Variants in TAB2 observed in about 807,000 individuals in gnomAD.
TAB2 encodes TGF-beta activated kinase 1 (MAP3K7) binding protein 2.
A neutral mutation model predicts 65.0 loss-of-function variants in TAB2; 3 were observed. The ratio of observed to expected loss-of-function variants is 0.05; its 90% CI spans 0.02 to 0.12. The LOEUF is 0.12. Among genes scored for constraint, TAB2 ranks in the 10% least tolerant of loss-of-function variants. The pLI is 1.00. For synonymous variants in TAB2, 298 were observed against 285.1 expected, an observed-to-expected ratio of 1.05 and a Z score of -0.46; for missense variants, 623 against 840.3, an observed-to-expected ratio of 0.74 and a Z score of 3.20.
intron 1 of TAB2, among the ~76,000 whole-genome samples, chr6:149,368,178 A>G (rs1482623009): frequency 6.6e-6 from 1 of 152,150 alleles, no homozygotes; most frequent in Non-Finnish European, 1.5e-5. Context: ...AGTAAGTAGA[A>G]GGAAAGCCAG....
At chr6:149,279,245 TC>T (rs1375880806) in intron 1 of TAB2, among the ~76,000 whole-genome samples, 2 of 152,188 alleles carry the variant, frequency 1.3e-5, no homozygotes, top group Non-Finnish European at 1.5e-5. Flanking sequence ...ACATCCTCCT[TC>T]AAACTTGCTC....
At chr6:149,238,087 C>T (rs765426878) in intron 1 of TAB2, among the ~76,000 whole-genome samples, 9 of 152,124 alleles carry the variant, frequency 5.9e-5, no homozygotes, top group South Asian at 2.1e-4. Context: ...TTCACTAATT[C>T]GTGAGCTTTT....
intron 1 of TAB2, among the ~76,000 whole-genome samples, chr6:149,307,725 A>G (rs1357772397): frequency 2.0e-5 from 3 of 152,240 alleles, no homozygotes; most frequent in Non-Finnish European, 4.4e-5. Flanking sequence ...AGTTATTCCC[A>G]AAGAGTTTTT....
exon 1 of TAB2, chr6:149,218,655 C>T (rs1777073948): frequency 9.5e-6 from 4 of 423,214 alleles, no homozygotes; most frequent in Non-Finnish European, 9.6e-6. Flanking sequence ...AGGTGAACTC[C>T]TTCAGGGCCA....
At chr6:149,269,473 T>C (rs1778321861) in intron 1 of TAB2, among the ~76,000 whole-genome samples, 1 of 152,196 alleles carries the variant, frequency 6.6e-6, no homozygotes, top group African/African-American at 2.4e-5. Context: ...TTACCCTTTT[T>C]ATTGTGCAGT....
At chr6:149,246,424 T>C (rs2114648445) in intron 1 of TAB2, 1 of 152,256 alleles carries the variant, frequency 6.6e-6, no homozygotes, top group East Asian at 1.9e-4. Flanking sequence ...GATAATTTCC[T>C]CCACCTACCT....
chr6:149,297,254 A>G (rs1778892152), intron 1 of TAB2, among the ~76,000 whole-genome samples: 1 of 152,222 alleles, frequency 6.6e-6, no homozygotes, highest in Admixed American at 6.5e-5. Context: ...CTCTGAAGAA[A>G]GTAAATATTG....
chr6:149,408,829 A>T (rs533478720), intron 6 of TAB2, among the ~76,000 whole-genome samples: 2 of 152,298 alleles, frequency 1.3e-5, no homozygotes, highest in South Asian at 4.1e-4. Context: ...GGTCTCTTAG[A>T]GTTCCAGTGA....
intron 1 of TAB2, among the ~76,000 whole-genome samples, chr6:149,353,679 G>T (rs1205036068): frequency 6.6e-6 from 1 of 152,108 alleles, no homozygotes; most frequent in Non-Finnish European, 1.5e-5. Flanking sequence ...AATGGTCCAC[G>T]TACAAAAAAC....
At chr6:149,297,534 T>G (rs567588605) in intron 1 of TAB2, among the ~76,000 whole-genome samples, 1 of 152,318 alleles carries the variant, frequency 6.6e-6, no homozygotes, top group African/African-American at 2.4e-5. Flanking sequence ...ACACTTTTCT[T>G]TCTCTTTTTG....
intron 1 of TAB2, among the ~76,000 whole-genome samples, chr6:149,283,968 A>G (rs1269084516): frequency 1.3e-5 from 2 of 152,180 alleles, no homozygotes; most frequent in Non-Finnish European, 2.9e-5. Flanking sequence ...GTAGGCTCTA[A>G]CCACCAATGA....
At chr6:149,397,897 C>A in intron 4 of TAB2, 72 bp from the exon 5 acceptor site, 1 of 1,577,006 alleles carries the variant, frequency 6.3e-7, no homozygotes, top group Non-Finnish European at 8.7e-7. Flanking sequence ...TTTCTTGTGC[C>A]AAACTCCATT....
At chr6:149,299,801 G>A (rs554676834) in intron 1 of TAB2, among the ~76,000 whole-genome samples, 21 of 152,160 alleles carry the variant, frequency 1.4e-4, no homozygotes, top group Non-Finnish European at 2.5e-4. Context: ...TTGAGACTAG[G>A]AGTTCGAGAC....
chr6:149,249,419 ACT>A (rs143156863), intron 1 of TAB2, among the ~76,000 whole-genome samples: 1 of 150,644 alleles, frequency 6.6e-6, no homozygotes, highest in African/African-American at 2.4e-5. Context: ...TCTCTCTGTA[ACT>A]CTCTCTCTGT....
intron 1 of TAB2, among the ~76,000 whole-genome samples, chr6:149,325,199 T>C (rs1779564548): frequency 6.6e-6 from 1 of 152,214 alleles, no homozygotes; most frequent in Non-Finnish European, 1.5e-5. Flanking sequence ...ACTATAGCTA[T>C]GTGATTTTAG....
chr6:149,408,331 A>G (rs945107393), intron 6 of TAB2, among the ~76,000 whole-genome samples: 4 of 152,190 alleles, frequency 2.6e-5, no homozygotes, highest in Admixed American at 6.5e-5. Context: ...TTGGTTGTGC[A>G]TGTGGCAAAA....
At chr6:149,314,241 T>C (rs544640840), upstream of TAB2, among the ~76,000 whole-genome samples, 1 of 152,356 alleles carries the variant, frequency 6.6e-6, no homozygotes, top group African/African-American at 2.4e-5. Flanking sequence ...CTTTGTGCCT[T>C]CGAACCTAAT....
At chr6:149,273,680 T>A (rs745316664) in intron 1 of TAB2, among the ~76,000 whole-genome samples, 1 of 152,196 alleles carries the variant, frequency 6.6e-6, no homozygotes, top group African/African-American at 2.4e-5. Flanking sequence ...GCCCATCAGG[T>A]CATTGCAGCA....
At chr6:149,364,084 C>T (rs1254116217) in intron 1 of TAB2, among the ~76,000 whole-genome samples, 1 of 152,176 alleles carries the variant, frequency 6.6e-6, no homozygotes, top group Non-Finnish European at 1.5e-5. Flanking sequence ...TCTACCTAGT[C>T]TCCATTGCTA....
Sources: allele counts gnomAD v4.1 joint callset (sites outside exome capture counted in the v4.1 genomes callset), GRCh38; gene constraint gnomAD v4.1.1; transcripts MANE v1.5; gene names NCBI Gene and HGNC (gene_info 2026-07-23, HGNC 2026-07-21).